DSCAM: variants seen among roughly 807,000 people sequenced by gnomAD.
DSCAM encodes cell adhesion molecule DSCAM.
In DSCAM, 47 loss-of-function variants were observed where a neutral mutation model predicts 217.7. The observed-to-expected ratio is 0.22, with a 90% CI of 0.17 to 0.28. DSCAM has a LOEUF of 0.28. DSCAM is among the 10% of genes least tolerant of loss of function. The pLI, the probability that DSCAM is intolerant of heterozygous loss-of-function variation, is 1.00. For synonymous variants in DSCAM, 1,056 were observed against 1,015.3 expected, an observed-to-expected ratio of 1.04 and a Z score of -0.76; for missense variants, 2,080 against 2,618.3, an observed-to-expected ratio of 0.79 and a Z score of 4.49.
intron 20 of DSCAM, among the ~76,000 whole-genome samples, chr21:40,121,679 G>GTTTTTTTT (rs1568951642): frequency 3.9e-5 from 3 of 76,714 alleles, no homozygotes; most frequent in Non-Finnish European, 8.4e-5. Flanking sequence ...TCTCATTACT[G>GTTTTTTTT]TCTTTTTTTT....
rs200735991 is a variant in DSCAM at position 40,768,622 on chromosome 21, TGTTA to T, written c.44-59855_44-59852del. Among the ~76,000 whole-genome samples the T allele has an allele frequency of 7.2e-5, 11 of 152,308 alleles. No individual in the cohort carries two copies. The East Asian group carries it at 1.9e-3, about 27-fold the overall frequency. On this transcript the variant is annotated intron_variant, in intron 1 of 32. Transcript: ENST00000400454. ...AACACAATTCCCATTTCCAGGTGTT[TGTTA>T]GTTTTGGTGAACATCACAGGATGGC... is the stretch of plus-strand genomic sequence containing the variant.
chr21:40,441,118 AAGGG>A lies in DSCAM; in HGVS notation c.509-71877_509-71874del, dbSNP rs1386381000. Among the ~76,000 whole-genome samples the A allele has an allele frequency of 7.9e-5, 12 of 152,276 alleles. No individual in the cohort carries two copies. In the East Asian group the frequency reaches 2.3e-3, roughly 29 times the overall value. On this transcript the variant is annotated intron_variant, in intron 3 of 32. Coordinates refer to ENST00000400454, the MANE Select transcript of DSCAM (RefSeq NM_001389.5). ...GGCAAACACATAGAATATGAAGGAA[AAGGG>A]AGTGTCTGTCTCTGAGTGCCAAGTA...
chr21:40,137,823 G>A (rs900015996), intron 18 of DSCAM, among the ~76,000 whole-genome samples: 5 of 152,018 alleles, frequency 3.3e-5, no homozygotes, highest in African/African-American at 1.2e-4. Context: ...CAATAGGTGC[G>A]GGAATAGCTT....
At chr21:40,821,678 G>A (rs2091929538) in intron 1 of DSCAM, among the ~76,000 whole-genome samples, 1 of 151,910 alleles carries the variant, frequency 6.6e-6, no homozygotes, top group Non-Finnish European at 1.5e-5. Context: ...TCTTTATCTT[G>A]TCTATTATTG....
At chr21:40,509,182 C>A (rs967131061) in intron 3 of DSCAM, among the ~76,000 whole-genome samples, 3 of 152,002 alleles carry the variant, frequency 2.0e-5, no homozygotes, top group African/African-American at 7.2e-5. Context: ...TCACTTGTTA[C>A]ACAAGCAAGG....
chr21:40,359,107 T>C (rs1378241318), intron 4 of DSCAM, among the ~76,000 whole-genome samples: 3 of 152,200 alleles, frequency 2.0e-5, no homozygotes, highest in Non-Finnish European at 4.4e-5. Context: ...TTAGGATGAC[T>C]GCAATAAAAT....
At chr21:40,136,985 T>G (rs541810109) in intron 18 of DSCAM, among the ~76,000 whole-genome samples, 1 of 151,834 alleles carries the variant, frequency 6.6e-6, no homozygotes, top group African/African-American at 2.4e-5. Context: ...CCATCCTGGC[T>G]AACACGGTGA....
chr21:40,606,107 C>T (rs939708307), intron 3 of DSCAM, among the ~76,000 whole-genome samples: 12 of 152,168 alleles, frequency 7.9e-5, no homozygotes, highest in African/African-American at 2.7e-4. Flanking sequence ...AGCCAATGCA[C>T]ATTCTTATTT....
chr21:40,753,493 G>A (rs2091247758), intron 1 of DSCAM, among the ~76,000 whole-genome samples: 2 of 152,154 alleles, frequency 1.3e-5, no homozygotes, highest in Non-Finnish European at 2.9e-5. Flanking sequence ...AGTGTCAATA[G>A]ATAAAATGGA....
chr21:40,142,761 TA>T (rs35155500), intron 17 of DSCAM, 57 bp from the exon 18 acceptor site: 1,175,298 of 1,540,544 alleles, frequency 0.76, 450,374 homozygotes, highest in South Asian at 0.85. Context: ...AGCAAAGCAA[TA>T]ACCGAAAAAG....
intron 20 of DSCAM, among the ~76,000 whole-genome samples, chr21:40,105,068 G>A (rs2089801223): frequency 1.3e-5 from 2 of 152,002 alleles, no homozygotes; most frequent in African/African-American, 4.8e-5. Flanking sequence ...AGATTTCCAG[G>A]GCCTCTTTCT....
chr21:40,830,378 G>A (rs549429152), intron 1 of DSCAM, among the ~76,000 whole-genome samples: 20 of 152,230 alleles, frequency 1.3e-4, no homozygotes, highest in Non-Finnish European at 2.6e-4. Context: ...AATGGATGGC[G>A]CCAAGCCGTG....
intron 1 of DSCAM, among the ~76,000 whole-genome samples, chr21:40,761,641 T>C (rs1322437495): frequency 6.6e-6 from 1 of 152,192 alleles, no homozygotes; most frequent in African/African-American, 2.4e-5. Flanking sequence ...GCCTCTCAGT[T>C]TGTGATGCTT....
At chr21:40,146,428 G>A (rs955422003) in intron 16 of DSCAM, among the ~76,000 whole-genome samples, 3 of 152,194 alleles carry the variant, frequency 2.0e-5, no homozygotes, top group African/African-American at 7.2e-5. Flanking sequence ...GGCAGACAAT[G>A]AGAAGTCAGA....
chr21:40,065,392 C>T (rs899544988), intron 27 of DSCAM, among the ~76,000 whole-genome samples: 7 of 152,178 alleles, frequency 4.6e-5, no homozygotes, highest in African/African-American at 1.7e-4. Flanking sequence ...AAAATCTCAT[C>T]TGGGACACAC....
intron 32 of DSCAM, 48 bp downstream of exon 32, chr21:40,042,323 A>C: frequency 6.3e-7 from 1 of 1,582,972 alleles, no homozygotes; most frequent in East Asian, 2.2e-5. Flanking sequence ...AGGACCAGGA[A>C]GGTGCACTTC....
chr21:40,381,036 C>A (rs2075016727), intron 3 of DSCAM, among the ~76,000 whole-genome samples: 1 of 123,058 alleles, frequency 8.1e-6, no homozygotes, highest in Non-Finnish European at 1.6e-5. Context: ...GCACTCCAGC[C>A]TGGGCGACAG....
At chr21:40,190,886 A>G (rs2090946411) in intron 11 of DSCAM, among the ~76,000 whole-genome samples, 1 of 152,238 alleles carries the variant, frequency 6.6e-6, no homozygotes, top group African/African-American at 2.4e-5. Flanking sequence ...CAAAATAACT[A>G]TGCAAGAATG....
intron 3 of DSCAM, among the ~76,000 whole-genome samples, chr21:40,547,883 A>C (rs2076596218): frequency 6.6e-6 from 1 of 152,226 alleles, no homozygotes; most frequent in South Asian, 2.1e-4. Flanking sequence ...GAAGGCAGGC[A>C]GGCAGCATTT....
Sources: gnomAD v4.1 joint callset for allele counts (sites outside exome capture counted in the v4.1 genomes callset) on GRCh38, gnomAD v4.1.1 for gene constraint, MANE v1.5 for transcripts, NCBI Gene and HGNC (gene_info 2026-07-23, HGNC 2026-07-21) for gene names.